Variants in TBC1D1 observed in about 807,000 individuals in gnomAD.
TBC1D1 encodes TBC1 (tre-2/USP6, BUB2, cdc16) domain family, member 1.
A neutral mutation model predicts 125.6 loss-of-function variants in TBC1D1; 89 were observed. That is an observed-to-expected ratio of 0.71 (90% CI 0.60 to 0.85). The LOEUF (loss-of-function observed/expected upper bound fraction) is 0.85, where lower values mean the gene tolerates loss of function less well. Ranked by LOEUF, TBC1D1 falls within the 40% of genes least tolerant of loss-of-function variation. The probability of loss-of-function intolerance (pLI) is 0.00; values close to 1 mark genes in which losing one functional copy is unlikely to be tolerated. For synonymous variants in TBC1D1, 565 were observed against 564.1 expected (o/e 1.00, Z -0.02); for missense variants, 1,377 against 1,469.2 (o/e 0.94, Z 1.03).
At chr4:38,096,151 G>A (rs1202401291) in intron 14 of TBC1D1, 61 bp downstream of exon 16, 1 of 1,439,182 alleles carries the variant, frequency 6.9e-7, no homozygotes, top group Non-Finnish European at 9.4e-7. Flanking sequence ...GGGGAGAAGT[G>A]TGGAATTAAA....
intron 2 of TBC1D1, among the ~76,000 whole-genome samples, chr4:37,969,428 C>T (rs1432936512): frequency 1.3e-5 from 2 of 152,200 alleles, no homozygotes; most frequent in Non-Finnish European, 2.9e-5. Context: ...TGGCAACCTC[C>T]ACCTCCTGGG....
At chr4:38,060,589 C>T (rs537370580) in intron 12 of TBC1D1, 107 of 1,284,398 alleles carry the variant, frequency 8.3e-5, no homozygotes, top group South Asian at 5.7e-4. Flanking sequence ...AGGATGCTTA[C>T]GTCTGTGTGA....
At chr4:38,104,293 C>T (rs749748202) in intron 15 of TBC1D1, among the ~76,000 whole-genome samples, 23 of 152,102 alleles carry the variant, frequency 1.5e-4, no homozygotes, top group Non-Finnish European at 2.4e-4. Flanking sequence ...ACCTATCCCC[C>T]GAGGATGCCA....
Position 37,902,468 on chromosome 4 carries a change from C to T in TBC1D1, c.373C>T (p.Arg125Trp), listed in dbSNP as rs35859249. The stretch of plus-strand genomic sequence containing the variant: ...TCTGATTAAGGAAGACGCTGTCCAC[C>T]GGCAGAGTATCTGCTATGTGTTCAA... Residue 125 changes from arginine to tryptophan, a missense_variant, in exon 2 of 20, where the codon CGG (arginine) becomes TGG (tryptophan). Physicochemically the swap from Arg to Trp is moderately radical, Grantham distance 101. Transcript: ENST00000261439. The T allele has an allele frequency of 0.092, 148,765 of 1,612,780 alleles. 7,332 individuals carry two copies. The highest frequency in any genetic ancestry group is 0.12 in the South Asian group (11,211 of 90,940).
At chr4:37,925,484 G>A (rs373513103) in intron 2 of TBC1D1, among the ~76,000 whole-genome samples, 23 of 152,196 alleles carry the variant, frequency 1.5e-4, no homozygotes, top group East Asian at 5.8e-4. Flanking sequence ...TCGGGAGGTC[G>A]AGGTGGGGGG....
intron 2 of TBC1D1, among the ~76,000 whole-genome samples, chr4:37,944,229 G>T (rs1232542283): frequency 6.6e-6 from 1 of 152,186 alleles, no homozygotes; most frequent in Non-Finnish European, 1.5e-5. Flanking sequence ...GCCATGTGAG[G>T]TGTCAGTCTG....
At chr4:37,963,377 G>A (rs963643382) in intron 2 of TBC1D1, among the ~76,000 whole-genome samples, 1 of 146,662 alleles carries the variant, frequency 6.8e-6, no homozygotes, top group African/African-American at 2.5e-5. Flanking sequence ...CAGAGCAAGA[G>A]CAAGAAAGAG....
At chr4:37,997,185 C>T (rs768649889) in intron 2 of TBC1D1, among the ~76,000 whole-genome samples, 41 of 152,308 alleles carry the variant, frequency 2.7e-4, no homozygotes, top group African/African-American at 2.4e-4. Context: ...ATTAGCTTCA[C>T]GAGACAGACC....
At chr4:37,984,970 T>C (rs1177174475) in intron 2 of TBC1D1, among the ~76,000 whole-genome samples, 1 of 152,104 alleles carries the variant, frequency 6.6e-6, no homozygotes, top group African/African-American at 2.4e-5. Flanking sequence ...TATATTTTCT[T>C]GAGATGGAGT....
At chr4:38,026,433 A>G (rs192808684) in intron 6 of TBC1D1, among the ~76,000 whole-genome samples, 1 of 152,198 alleles carries the variant, frequency 6.6e-6, no homozygotes, top group African/African-American at 2.4e-5. Flanking sequence ...CAGCAAATCC[A>G]TCTGTAAAAT....
chr4:38,045,750 C>A, intron 9 of TBC1D1, 67 bp from the exon 10 acceptor site: 1 of 1,167,940 alleles, frequency 8.6e-7, no homozygotes, highest in Non-Finnish European at 1.3e-6. Context: ...ATGGACCAAT[C>A]TGCTTCTAGC....
intron 2 of TBC1D1, among the ~76,000 whole-genome samples, chr4:37,930,768 G>A (rs553597806): frequency 4.9e-4 from 74 of 152,282 alleles, no homozygotes; most frequent in Middle Eastern, 3.4e-3. Flanking sequence ...TATTTTGCAT[G>A]AAATAAATAC....
chr4:37,968,937 A>C (rs748014274), intron 2 of TBC1D1, among the ~76,000 whole-genome samples: 23 of 152,182 alleles, frequency 1.5e-4, no homozygotes, highest in Non-Finnish European at 3.1e-4. Context: ...AGCTAGTATG[A>C]TAGGAATGTA....
chr4:37,965,450 C>T (rs1267465042), intron 2 of TBC1D1, among the ~76,000 whole-genome samples: 2 of 152,176 alleles, frequency 1.3e-5, no homozygotes, highest in African/African-American at 2.4e-5. Context: ...TATATGAAAA[C>T]ATCTGGCATG....
intron 2 of TBC1D1, among the ~76,000 whole-genome samples, chr4:38,010,667 T>C: frequency 6.6e-6 from 1 of 152,194 alleles, no homozygotes; most frequent in East Asian, 1.9e-4. Context: ...CCACGCCCCA[T>C]CTTCAATATC....
intron 9 of TBC1D1, 139 bp downstream of exon 9, chr4:38,044,629 T>C: frequency 1.1e-6 from 1 of 873,550 alleles, no homozygotes; most frequent in Non-Finnish European, 1.6e-6. Context: ...CTCAGGCTTA[T>C]AACAGTATTA....
chr4:37,944,741 A>G (rs1726304382), intron 2 of TBC1D1, among the ~76,000 whole-genome samples: 1 of 152,130 alleles, frequency 6.6e-6, no homozygotes, highest in Admixed American at 6.5e-5. Flanking sequence ...GTTACGGCTT[A>G]CCTTGGCTAG....
At chr4:37,943,037 A>G (rs1337112925) in intron 2 of TBC1D1, among the ~76,000 whole-genome samples, 1 of 152,202 alleles carries the variant, frequency 6.6e-6, no homozygotes, top group Non-Finnish European at 1.5e-5. Flanking sequence ...CCTGGTGGTG[A>G]CAAAATCTGT....
In TBC1D1 at chr4:38,138,051, A is replaced by G. The variant is rs1292698728; in HGVS notation, c.*716A>G. 1 of 152,444 alleles carries G rather than the reference A, an allele frequency of 6.6e-6. No individual in the cohort carries two copies. Among genetic ancestry groups the G allele is most frequent in the Non-Finnish European group, 1.5e-5 (1 of 68,034 alleles). The allele number at this position is 152,444 out of a possible 1,614,324, so 9.4% of individuals were successfully genotyped here. ...TTTGAAGATCATCAAATTAAATAAA[A>G]TGATTTATTTAATTTGGATATCCTG... On this transcript the variant is annotated 3_prime_UTR_variant, in exon 20 of 20. Transcript: ENST00000261439.
Sources: allele counts gnomAD v4.1 joint callset (sites outside exome capture counted in the v4.1 genomes callset), GRCh38; gene constraint gnomAD v4.1.1; transcripts MANE v1.5; gene names NCBI Gene and HGNC (gene_info 2026-07-23, HGNC 2026-07-21).